Variants in THSD4 observed in about 807,000 individuals in gnomAD.
THSD4 encodes the protein thrombospondin type-1 domain-containing protein 4.
Under a neutral mutation model 119.0 loss-of-function variants are expected in THSD4, and 69 were observed. The observed-to-expected ratio is 0.58, with a 90% CI of 0.48 to 0.71. The LOEUF is 0.71. THSD4 is among the 30% of genes least tolerant of loss of function. THSD4 has a pLI of 0.00. For missense variants in THSD4, 1,393 were observed against 1,391.1 expected (o/e 1.00, Z -0.02); for synonymous variants, 524 against 540.4 (o/e 0.97, Z 0.42).
At chr15:71,687,338 G>C (rs1431189059) in intron 8 of THSD4, among the ~76,000 whole-genome samples, 1 of 152,102 alleles carries the variant, frequency 6.6e-6, no homozygotes, top group Non-Finnish European at 1.5e-5. Flanking sequence ...TTTGCTGTTA[G>C]GACCAGGAAG....
chr15:71,387,823 A>AT (rs959027812), intron 6 of THSD4, among the ~76,000 whole-genome samples: 4 of 152,082 alleles, frequency 2.6e-5, no homozygotes, highest in African/African-American at 4.8e-5. Flanking sequence ...CATCTTAAAG[A>AT]TTTTTTTCTC....
chr15:71,398,067 G>A (rs557867847), intron 6 of THSD4, among the ~76,000 whole-genome samples: 1 of 152,332 alleles, frequency 6.6e-6, no homozygotes, highest in South Asian at 2.1e-4. Context: ...CTTTCCAGCT[G>A]TGATGGTCCA....
chr15:71,171,327 G>A (rs2043360576), intron 3 of THSD4, among the ~76,000 whole-genome samples: 1 of 152,148 alleles, frequency 6.6e-6, no homozygotes, highest in African/African-American at 2.4e-5. Context: ...ACAAAGTTAA[G>A]AATGACAGTA....
At chr15:71,379,215 G>A (rs1008101899) in intron 6 of THSD4, among the ~76,000 whole-genome samples, 2 of 150,720 alleles carry the variant, frequency 1.3e-5, no homozygotes, top group Non-Finnish European at 3.0e-5. Flanking sequence ...CATTGTTAAA[G>A]TACATCTTAG....
intron 7 of THSD4, among the ~76,000 whole-genome samples, chr15:71,583,571 TGC>T (rs1024355441): frequency 3.8e-5 from 5 of 132,598 alleles, no homozygotes; most frequent in African/African-American, 7.7e-5. Context: ...CTGCTTTTGC[TGC>T]GTCTCTTATA....
intron 7 of THSD4, among the ~76,000 whole-genome samples, chr15:71,649,400 G>A (rs977509565): frequency 4.6e-5 from 7 of 151,994 alleles, no homozygotes; most frequent in Admixed American, 1.3e-4. Flanking sequence ...CCAGCCTCTC[G>A]AGTAGCTGGG....
chr15:71,522,175 C>A (rs867745354), intron 7 of THSD4, among the ~76,000 whole-genome samples: 1 of 152,188 alleles, frequency 6.6e-6, no homozygotes, highest in Non-Finnish European at 1.5e-5. Context: ...TGGAAAATGG[C>A]AAAGCCTGGC....
chr15:71,727,583 TATATAC>T (rs2052882119), intron 8 of THSD4, among the ~76,000 whole-genome samples: 3 of 6,884 alleles, frequency 4.4e-4, no homozygotes, highest in African/African-American at 7.1e-4. Flanking sequence ...TATATATATA[TATATAC>T]ACACACACAC....
intron 7 of THSD4, among the ~76,000 whole-genome samples, chr15:71,532,573 T>C (rs9972379): frequency 0.91 from 137,702 of 151,980 alleles, 62,466 homozygotes; most frequent in East Asian, 0.98. Context: ...CCTTGGCCTC[T>C]CAAACTGCTG....
At chr15:71,162,201 T>C (rs2043255277) in intron 3 of THSD4, among the ~76,000 whole-genome samples, 1 of 152,028 alleles carries the variant, frequency 6.6e-6, no homozygotes, top group Admixed American at 6.5e-5. Flanking sequence ...AGAGTATGAC[T>C]ATGGATTTAC....
In THSD4 at chr15:71,777,549, CA is replaced by C; in HGVS notation, c.*177del. On this transcript the variant is annotated 3_prime_UTR_variant, in exon 18 of 18. Transcript: ENST00000261862. ...CCGTGGTACCCAGGGGCTTTTTACA[CA>C]AGATGTTTGAAAGCCACAGTCAGTC... 1.2e-6 allele frequency: 1 copy of C among 824,324 alleles called. No individual in the cohort carries two copies. Among genetic ancestry groups the C allele is most frequent in the South Asian group, 1.8e-5 (1 of 55,540 alleles). 51.1% of individuals were successfully genotyped at this position (824,324 alleles called of 1,614,324 possible).
At chr15:71,596,628 T>G (rs901453675) in intron 7 of THSD4, among the ~76,000 whole-genome samples, 1 of 152,234 alleles carries the variant, frequency 6.6e-6, no homozygotes, top group South Asian at 2.1e-4. Flanking sequence ...TTCTAAAGTT[T>G]CCTGGTGTGG....
intron 8 of THSD4, among the ~76,000 whole-genome samples, chr15:71,706,185 G>T (rs1468001968): frequency 1.3e-5 from 2 of 152,142 alleles, no homozygotes; most frequent in African/African-American, 4.8e-5. Context: ...ACCAACCTGG[G>T]GTGTGGAAGT....
Position 71,284,963 on chromosome 15 carries a change from C to T in THSD4, c.1015+28248C>T, listed in dbSNP as rs143492256. 3.0e-3 allele frequency among the ~76,000 whole-genome samples: 451 copies of T among 152,198 alleles called. 3 individuals are homozygous for T. Among genetic ancestry groups the T allele is most frequent in the African/African-American group, 0.01 (434 of 41,532 alleles). On this transcript the variant is annotated intron_variant, in intron 6 of 17. Transcript: ENST00000261862. ...GGAGGCACTTTTTATTGCAATGTTTCTACAAACTAATATTCAACCACTGTC... is the reference window on the plus strand; with the variant it reads ...GGAGGCACTTTTTATTGCAATGTTTTTACAAACTAATATTCAACCACTGTC...
At chr15:71,374,424 G>A (rs1596378279) in intron 6 of THSD4, among the ~76,000 whole-genome samples, 2 of 152,284 alleles carry the variant, frequency 1.3e-5, no homozygotes, top group Middle Eastern at 3.4e-3. Context: ...CATCTAAAGT[G>A]GCACATGAGC....
chr15:71,154,199 C>G (rs914820188), intron 2 of THSD4, among the ~76,000 whole-genome samples: 2 of 152,218 alleles, frequency 1.3e-5, no homozygotes, highest in African/African-American at 4.8e-5. Flanking sequence ...CGATTCTAGC[C>G]TGGCTCCATG....
intron 3 of THSD4, among the ~76,000 whole-genome samples, chr15:71,197,724 G>A (rs895882602): frequency 3.3e-5 from 5 of 152,074 alleles, no homozygotes; most frequent in Admixed American, 1.3e-4. Flanking sequence ...GAAGAAGGTC[G>A]CATCTGCTGC....
chr15:71,414,572 A>G (rs2046733788), intron 7 of THSD4, among the ~76,000 whole-genome samples: 1 of 152,202 alleles, frequency 6.6e-6, no homozygotes, highest in Non-Finnish European at 1.5e-5. Flanking sequence ...CAGAAATATA[A>G]ATATATGGTG....
chr15:71,378,014 A>G (rs1330016981), intron 6 of THSD4, among the ~76,000 whole-genome samples: 1 of 152,138 alleles, frequency 6.6e-6, no homozygotes, highest in Non-Finnish European at 1.5e-5. Context: ...GTTCAAGGCT[A>G]GCTACTGAGA....
Sources: allele counts gnomAD v4.1 joint callset (sites outside exome capture counted in the v4.1 genomes callset), GRCh38; gene constraint gnomAD v4.1.1; transcripts MANE v1.5; gene names NCBI Gene and HGNC (gene_info 2026-07-23, HGNC 2026-07-21).